Variants in SPECC1L observed in about 807,000 individuals in gnomAD.
SPECC1L encodes sperm antigen with calponin homology and coiled-coil domains 1 like, also known as cytospin-A.
SPECC1L carries 40 observed loss-of-function variants against 116.8 expected under a neutral mutation model. The ratio of observed to expected loss-of-function variants is 0.34; its 90% CI spans 0.27 to 0.45. The LOEUF is 0.45. Ranked by LOEUF, SPECC1L falls within the 20% of genes least tolerant of loss-of-function variation. The pLI is 1.00. For missense variants in SPECC1L, 1,110 were observed against 1,373.6 expected (o/e 0.81, Z 3.03); for synonymous variants, 504 against 500.6 (o/e 1.01, Z -0.09).
At chr22:24,392,608 A>G (rs2042292839) in intron 14 of SPECC1L, among the ~76,000 whole-genome samples, 1 of 152,192 alleles carries the variant, frequency 6.6e-6, no homozygotes. Context: ...TGATTATGGG[A>G]AGGGTAATTA....
chr22:24,393,458 A>G (rs2042309342), intron 14 of SPECC1L, among the ~76,000 whole-genome samples: 1 of 152,180 alleles, frequency 6.6e-6, no homozygotes, highest in African/African-American at 2.4e-5. Context: ...AACACACAAG[A>G]TGACTTTCTG....
chr22:24,317,738 G>C (rs532880616), intron 4 of SPECC1L, among the ~76,000 whole-genome samples: 2 of 149,882 alleles, frequency 1.3e-5, no homozygotes, highest in South Asian at 4.2e-4. Flanking sequence ...GGTGGCTGCC[G>C]GGCGGAGGGG....
intron 4 of SPECC1L, among the ~76,000 whole-genome samples, chr22:24,316,323 C>T (rs992262001): frequency 3.4e-5 from 5 of 148,564 alleles, no homozygotes; most frequent in Non-Finnish European, 7.4e-5. Context: ...GTGTTTCTCG[C>T]AGAGGGGGAT....
At chr22:24,377,132 C>T (rs2041986876) in intron 14 of SPECC1L, among the ~76,000 whole-genome samples, 2 of 152,146 alleles carry the variant, frequency 1.3e-5, no homozygotes, top group Admixed American at 6.5e-5. Flanking sequence ...GCTTCTTTCA[C>T]TTAGCATCAT....
At chr22:24,320,009 C>T (rs2040689032) in intron 4 of SPECC1L, among the ~76,000 whole-genome samples, 1 of 152,242 alleles carries the variant, frequency 6.6e-6, no homozygotes, top group Admixed American at 6.5e-5. Context: ...TTCAGTGGCT[C>T]ACGCCTGTAA....
At position 24,411,763 on chromosome 22, in the gene SPECC1L, C is replaced by A; in HGVS notation, c.3204+59C>A. On this transcript the variant is annotated intron_variant, in intron 15 of 16. Transcript: ENST00000314328. Reference sequence around the variant, plus strand: ...CTCACAGGGTTGGAGGGCTGAGAACCAAGGGCAGCACCTGCCTCAGCAGGT... The same window carrying A: ...CTCACAGGGTTGGAGGGCTGAGAACAAAGGGCAGCACCTGCCTCAGCAGGT... 2.9e-6 allele frequency: 4 copies of A among 1,380,520 alleles called. No homozygotes were observed. In the South Asian group the frequency reaches 3.5e-5, roughly 12 times the overall value. The allele number at this position is 1,380,520 out of a possible 1,614,324, so 85.5% of individuals were successfully genotyped here. A position where few individuals can be genotyped will look rare whatever the true frequency, so the allele number is the denominator to read the frequency against.
At chr22:24,318,292 G>A (rs1957971704) in intron 4 of SPECC1L, among the ~76,000 whole-genome samples, 1 of 152,246 alleles carries the variant, frequency 6.6e-6, no homozygotes, top group Non-Finnish European at 1.5e-5. Flanking sequence ...GCCGAGGCTG[G>A]CAGATCACTC....
chr22:24,371,272 GGTTAGGCCATAT>G (rs2041865770), intron 14 of SPECC1L, among the ~76,000 whole-genome samples: 1 of 152,068 alleles, frequency 6.6e-6, no homozygotes, highest in Non-Finnish European at 1.5e-5. Flanking sequence ...GAAGATTGCA[GGTTAGGCCATAT>G]GTTAGGTCAT....
chr22:24,284,293 G>A (rs1053477920), intron 2 of SPECC1L, among the ~76,000 whole-genome samples: 2 of 152,058 alleles, frequency 1.3e-5, no homozygotes, highest in African/African-American at 4.8e-5. Flanking sequence ...TTCATTTTAA[G>A]TTCAAAACAC....
At chr22:24,414,249 A>G (rs1326203804) in intron 16 of SPECC1L, among the ~76,000 whole-genome samples, 1 of 152,078 alleles carries the variant, frequency 6.6e-6, no homozygotes, top group Non-Finnish European at 1.5e-5. Flanking sequence ...GGGAGGAGGG[A>G]GGAAGTTCCT....
intron 14 of SPECC1L, among the ~76,000 whole-genome samples, chr22:24,399,884 A>G (rs887242523): frequency 3.3e-5 from 5 of 152,224 alleles, no homozygotes; most frequent in Non-Finnish European, 5.9e-5. Flanking sequence ...TTTAAGAAAT[A>G]TATCTATTTT....
chr22:24,305,245 A>G (rs2146415319), intron 3 of SPECC1L, among the ~76,000 whole-genome samples: 1 of 152,346 alleles, frequency 6.6e-6, no homozygotes, highest in African/African-American at 2.4e-5. Flanking sequence ...TCATCACAAA[A>G]TGAAACATGT....
rs1006270221 is a variant in SPECC1L at position 24,322,686 on chromosome 22, T to G, written c.1706T>G (p.Val569Gly). ...AATLEEYKAT[V>G]ASDQIEMNRL... ...ACGTTAGAGGAATACAAAGCCACAG[T>G]GGCCAGTGACCAGATAGAGATGAAT... Residue 569 changes from valine to glycine, a missense_variant, in exon 5 of 17, where the codon GTG becomes GGG. By Grantham distance (109) the Val-to-Gly change is moderately radical. Around this residue, in one of 4 missense-constraint regions of SPECC1L, gnomAD observed 575 missense variants for 682.4 expected, o/e 0.84. Transcript: ENST00000314328. 6.2e-7 allele frequency: 1 copy of G among 1,608,488 alleles called. No homozygotes were observed. The highest frequency in any genetic ancestry group is 8.5e-7 in the Non-Finnish European group (1 of 1,177,810).
chr22:24,317,718 T>A (rs1312730215), intron 4 of SPECC1L, among the ~76,000 whole-genome samples: 7 of 151,680 alleles, frequency 4.6e-5, no homozygotes, highest in African/African-American at 1.5e-4. Context: ...GCTCCTCACT[T>A]CCCAGACGGG....
Position 24,276,516 on chromosome 22 carries a change from C to T in SPECC1L, c.-141-184C>T, listed in dbSNP as rs376353129. ...GACCCAGTGGTGCGCACCTGTAGTGCCAGCTTTTCAGGAGGCTGAAGTGGG... is the reference window on the plus strand; with the variant it reads ...GACCCAGTGGTGCGCACCTGTAGTGTCAGCTTTTCAGGAGGCTGAAGTGGG... On this transcript the variant is annotated intron_variant, in intron 1 of 16. Transcript: ENST00000314328. 5.6e-4 allele frequency among the ~76,000 whole-genome samples: 85 copies of T among 152,278 alleles called. 3 individuals carry two copies. The East Asian group carries it at 0.015, about 28-fold the overall frequency.
At chr22:24,304,272 A>G (rs980458945) in intron 3 of SPECC1L, 1 of 152,184 alleles carries the variant, frequency 6.6e-6, no homozygotes, top group African/African-American at 2.4e-5. Flanking sequence ...TCACTGCACA[A>G]TATTCTCATG....
rs62233973 is a variant in SPECC1L, at chr22:24,376,284, G to C, written c.3087+6964G>C. Among the ~76,000 whole-genome samples, 1,121 of 152,194 alleles carry C rather than the reference G, an allele frequency of 7.4e-3. 5 individuals are homozygous for C. Among genetic ancestry groups the C allele is most frequent in the South Asian group, 0.013 (61 of 4,822 alleles). Reference sequence around the variant, plus strand: ...AAGTGGTCCTCCCACTTCCAACATCGTGAGTAGCTGGGACTACAGGTGTAG... The same window carrying C: ...AAGTGGTCCTCCCACTTCCAACATCCTGAGTAGCTGGGACTACAGGTGTAG... On this transcript the variant is annotated intron_variant, in intron 14 of 16. Coordinates refer to ENST00000314328, the MANE Select transcript of SPECC1L (RefSeq NM_015330.6).
chr22:24,277,142 T>C (rs2048852257), intron 2 of SPECC1L, among the ~76,000 whole-genome samples: 1 of 152,244 alleles, frequency 6.6e-6, no homozygotes, highest in Non-Finnish European at 1.5e-5. Flanking sequence ...TTTTTATGAT[T>C]TATGCTCATT....
At chr22:24,293,297 A>G (rs866535929) in intron 2 of SPECC1L, among the ~76,000 whole-genome samples, 10 of 152,112 alleles carry the variant, frequency 6.6e-5, no homozygotes, top group African/African-American at 9.7e-5. Flanking sequence ...TACTACAAGT[A>G]CAAAAATTAA....
Sources: allele counts gnomAD v4.1 joint callset (sites outside exome capture counted in the v4.1 genomes callset), GRCh38; gene constraint gnomAD v4.1.1; regional missense constraint gnomAD v4.1.1; transcripts MANE v1.5; gene names NCBI Gene and HGNC (gene_info 2026-07-23, HGNC 2026-07-21).